The following RBFOX1 variants were observed in gnomAD, a reference collection of about 807,000 sequenced individuals.
RBFOX1 encodes RNA binding protein fox-1 homolog 1.
In RBFOX1, 8 loss-of-function variants were observed where a neutral mutation model predicts 57.7. That is an observed-to-expected ratio of 0.14 (90% CI 0.08 to 0.25). The LOEUF (loss-of-function observed/expected upper bound fraction) is 0.25, where lower values mean the gene tolerates loss of function less well. Among genes scored for constraint, RBFOX1 ranks in the 10% least tolerant of loss-of-function variants. RBFOX1 has a pLI of 1.00. For missense variants in RBFOX1, 611 were observed against 548.5 expected, an observed-to-expected ratio of 1.11 and a Z score of -1.14; for synonymous variants, 326 against 222.4, an observed-to-expected ratio of 1.47 and a Z score of -4.15.
chr16:6,621,472 CAAA>C (rs962786427), intron 2 of RBFOX1, among the ~76,000 whole-genome samples: 3 of 119,404 alleles, frequency 2.5e-5, no homozygotes, highest in African/African-American at 8.1e-5. Context: ...TCAAAACAAA[CAAA>C]CAACAACAAC....
chr16:7,056,673 C>G (rs1157955025), intron 4 of RBFOX1, among the ~76,000 whole-genome samples: 1 of 152,134 alleles, frequency 6.6e-6, no homozygotes, highest in Admixed American at 6.5e-5. Flanking sequence ...CAAAGCCCAC[C>G]TTTCTGAGCA....
intron 3 of RBFOX1, among the ~76,000 whole-genome samples, chr16:5,755,430 G>C (rs2053358505): frequency 6.6e-6 from 1 of 152,128 alleles, no homozygotes; most frequent in South Asian, 2.1e-4. Context: ...CATTTTATTG[G>C]TTCACACTGA....
chr16:7,527,130 A>G (rs2078891152), intron 5 of RBFOX1, among the ~76,000 whole-genome samples: 1 of 152,196 alleles, frequency 6.6e-6, no homozygotes, highest in East Asian at 1.9e-4. Context: ...TTTTCGGATG[A>G]CAGTGTGACT....
At chr16:7,073,715 T>C (rs756450302) in intron 4 of RBFOX1, among the ~76,000 whole-genome samples, 20 of 151,812 alleles carry the variant, frequency 1.3e-4, no homozygotes, top group Admixed American at 4.6e-4. Context: ...AAAAAAAAAT[T>C]ACACAGGAAC....
At chr16:7,168,518 G>A (rs780186720) in intron 4 of RBFOX1, among the ~76,000 whole-genome samples, 2 of 152,106 alleles carry the variant, frequency 1.3e-5, no homozygotes, top group African/African-American at 4.8e-5. Flanking sequence ...GCTCATACTG[G>A]TACAGAAAAC....
At chr16:5,456,312 G>A (rs144770151) in intron 1 of RBFOX1, among the ~76,000 whole-genome samples, 344 of 152,166 alleles carry the variant, frequency 2.3e-3, no homozygotes, top group Middle Eastern at 6.8e-3. Flanking sequence ...AGGTTGTGTT[G>A]GGTTTTTTGA....
At chr16:7,161,260 G>A (rs1242774015) in intron 4 of RBFOX1, among the ~76,000 whole-genome samples, 1 of 152,188 alleles carries the variant, frequency 6.6e-6, no homozygotes, top group Non-Finnish European at 1.5e-5. Flanking sequence ...GATTAATGAT[G>A]TCTGCTGTGA....
intron 2 of RBFOX1, among the ~76,000 whole-genome samples, chr16:6,332,732 G>C (rs559982467): frequency 7.2e-5 from 11 of 152,140 alleles, no homozygotes; most frequent in African/African-American, 2.6e-4. Flanking sequence ...GTGTATAGGA[G>C]TCTACTGTTT....
chr16:5,738,376 A>C (rs1427567318), intron 3 of RBFOX1, among the ~76,000 whole-genome samples: 1 of 151,974 alleles, frequency 6.6e-6, no homozygotes, highest in Non-Finnish European at 1.5e-5. Context: ...TCATGCTTGT[A>C]ATCCCAACAG....
intron 3 of RBFOX1, among the ~76,000 whole-genome samples, chr16:6,661,660 G>A (rs1237541999): frequency 6.6e-6 from 1 of 152,158 alleles, no homozygotes; most frequent in Non-Finnish European, 1.5e-5. Flanking sequence ...ACTGGCCCTG[G>A]GTGAATGCAG....
intron 1 of RBFOX1, among the ~76,000 whole-genome samples, chr16:6,120,095 C>T (rs1459237985): frequency 6.6e-6 from 1 of 152,112 alleles, no homozygotes; most frequent in Non-Finnish European, 1.5e-5. Flanking sequence ...TGAAGTTGAG[C>T]CATGTGGTAG....
At chr16:7,188,602 A>G (rs539544469) in intron 4 of RBFOX1, among the ~76,000 whole-genome samples, 2 of 152,292 alleles carry the variant, frequency 1.3e-5, no homozygotes, top group East Asian at 1.9e-4. Flanking sequence ...AGAGTGGTTT[A>G]TGCTGCAGAC....
At chr16:5,546,483 T>G (rs1412760914) in intron 2 of RBFOX1, among the ~76,000 whole-genome samples, 1 of 152,194 alleles carries the variant, frequency 6.6e-6, no homozygotes, top group Non-Finnish European at 1.5e-5. Context: ...CTTGGGTCGA[T>G]GTAACAGTAA....
At chr16:6,966,114 G>A (rs1017125669) in intron 3 of RBFOX1, among the ~76,000 whole-genome samples, 1 of 152,014 alleles carries the variant, frequency 6.6e-6, no homozygotes, top group East Asian at 1.9e-4. Flanking sequence ...ATAGACTGGG[G>A]GCCTAAAAAG....
chr16:6,479,904 A>T (rs1396299580), intron 2 of RBFOX1, among the ~76,000 whole-genome samples: 2 of 151,962 alleles, frequency 1.3e-5, no homozygotes, highest in African/African-American at 4.8e-5. Context: ...ACAAAAAATT[A>T]GTTGGGCATG....
At chr16:7,047,280 C>A (rs180855131) in intron 3 of RBFOX1, among the ~76,000 whole-genome samples, 1 of 151,890 alleles carries the variant, frequency 6.6e-6, no homozygotes, top group Non-Finnish European at 1.5e-5. Flanking sequence ...CATATTTCAC[C>A]TTCATTTCTA....
intron 1 of RBFOX1, among the ~76,000 whole-genome samples, chr16:5,354,321 G>T (rs918981389): frequency 5.9e-5 from 9 of 152,156 alleles, no homozygotes; most frequent in African/African-American, 2.2e-4. Flanking sequence ...CTGTCTTTCA[G>T]TCTCTCCTTG....
At chr16:6,217,047 T>A (rs2097340129) in intron 1 of RBFOX1, among the ~76,000 whole-genome samples, 1 of 152,192 alleles carries the variant, frequency 6.6e-6, no homozygotes. Context: ...GGTAACCTGT[T>A]CTGACATATC....
intron 3 of RBFOX1, among the ~76,000 whole-genome samples, chr16:6,847,484 C>G (rs901396344): frequency 1.3e-5 from 2 of 152,054 alleles, no homozygotes; most frequent in Non-Finnish European, 2.9e-5. Context: ...GGCTGGAATC[C>G]TTACCACTGT....
Sources: gnomAD v4.1 joint callset for allele counts (sites outside exome capture counted in the v4.1 genomes callset) on GRCh38, gnomAD v4.1.1 for gene constraint, MANE v1.5 for transcripts, NCBI Gene and HGNC (gene_info 2026-07-23, HGNC 2026-07-21) for gene names.